Variants in PLBD1 observed in about 807,000 individuals in gnomAD.
PLBD1 encodes the protein phospholipase B domain containing 1.
Under a neutral mutation model 63.0 loss-of-function variants are expected in PLBD1, and 60 were observed. The ratio of observed to expected loss-of-function variants is 0.95; its 90% CI spans 0.77 to 1.18. The LOEUF (loss-of-function observed/expected upper bound fraction) is 1.18, where lower values mean the gene tolerates loss of function less well. PLBD1 is among the 50% of genes most tolerant of loss of function. PLBD1 has a pLI of 0.00. For synonymous variants in PLBD1, 262 were observed against 248.0 expected, an observed-to-expected ratio of 1.06 and a Z score of -0.53; for missense variants, 598 against 677.9, an observed-to-expected ratio of 0.88 and a Z score of 1.31.
intron 6 of PLBD1, among the ~76,000 whole-genome samples, chr12:14,531,655 AG>A (rs1945463052): frequency 6.6e-6 from 1 of 152,118 alleles, no homozygotes; most frequent in Admixed American, 6.6e-5. Context: ...TCTTGAGACG[AG>A]GCCTCACTCT....
intron 6 of PLBD1, among the ~76,000 whole-genome samples, chr12:14,535,358 A>G (rs1945504762): frequency 6.6e-6 from 1 of 152,238 alleles, no homozygotes; most frequent in Admixed American, 6.5e-5. Context: ...CGCAGAGCCT[A>G]GCAAAGAGTC....
chr12:14,528,770 C>T (rs1470146316), intron 6 of PLBD1, among the ~76,000 whole-genome samples: 1 of 151,860 alleles, frequency 6.6e-6, no homozygotes, highest in Non-Finnish European at 1.5e-5. Flanking sequence ...TGGACAATAT[C>T]ATGAATGATA....
Position 14,504,257 on chromosome 12 carries a change from C to A in PLBD1, c.1480-303G>T, listed in dbSNP as rs570116274. Reference sequence around the variant, plus strand: ...TAGAGATGGGGTTTTGCCTTGTTGGCCAAACTGGTCTCGAACTCCTGATCT... The same window carrying A: ...TAGAGATGGGGTTTTGCCTTGTTGGACAAACTGGTCTCGAACTCCTGATCT... On this transcript the variant is annotated intron_variant, in intron 10 of 10. Transcript: ENST00000240617. 2.0e-5 allele frequency among the ~76,000 whole-genome samples: 3 copies of A among 152,252 alleles called. No homozygotes were observed. In the East Asian group the frequency reaches 5.8e-4, roughly 29 times the overall value.
chr12:14,553,427 A>C lies in PLBD1; in HGVS notation c.116-15T>G. On this transcript the variant is annotated splice_polypyrimidine_tract_variant and intron_variant, in intron 1 of 10. Transcript: ENST00000240617. ...ATAGTAGACTCCTAGAAGAAAAGGG[A>C]ATAATGACAAAAACGCCATTCAAAT... 1 of 1,597,458 alleles carries C rather than the reference A, an allele frequency of 6.3e-7. No individual in the cohort carries two copies. Among genetic ancestry groups the C allele is most frequent in the Non-Finnish European group, 8.6e-7 (1 of 1,165,652 alleles).
At chr12:14,511,757 C>G (rs1459758073) in intron 6 of PLBD1, 46 bp from the exon 7 acceptor site, 1 of 1,531,616 alleles carries the variant, frequency 6.5e-7, no homozygotes, top group South Asian at 1.1e-5. Flanking sequence ...ATACATGGAA[C>G]AGTGAACCAT....
chr12:14,505,655 A>T (rs1210484510), intron 10 of PLBD1, among the ~76,000 whole-genome samples: 3 of 152,224 alleles, frequency 2.0e-5, no homozygotes, highest in South Asian at 4.1e-4. Context: ...GCACTTATCA[A>T]TTCTAACATT....
At chr12:14,530,302 TCA>T (rs1311920294) in intron 6 of PLBD1, 1 of 152,188 alleles carries the variant, frequency 6.6e-6, no homozygotes, top group African/African-American at 2.4e-5. Context: ...TTTTAGCCCC[TCA>T]GTCATTGAGT....
At chr12:14,545,919 C>T (rs886199876) in intron 2 of PLBD1, among the ~76,000 whole-genome samples, 2 of 152,014 alleles carry the variant, frequency 1.3e-5, no homozygotes, top group African/African-American at 4.8e-5. Context: ...TTGATCCATT[C>T]GGTTACTTTC....
Position 14,506,977 on chromosome 12 carries a change from T to G in PLBD1, c.1328A>C (p.Lys443Thr), listed in dbSNP as rs1353966267. The change falls in exon 9 of 11, where the codon AAA (lysine) becomes ACA (threonine). Residue 443 changes from lysine (K) to threonine (T), a missense_variant. Lys to Thr is a moderately conservative substitution (Grantham distance 78). Transcript: ENST00000240617. ...RAKIFRRDQG[K>T]VTDTASMKYI... is the part of the protein sequence containing the mutation. ...TTTCATGGATGCCGTATCAGTCACT[T>G]TCCCTTGGTCACGCCGGAAAATTTT... 1.9e-6 allele frequency: 3 copies of G among 1,614,034 alleles called. No homozygotes were observed. In the African/African-American group the frequency reaches 4.0e-5, roughly 22 times the overall value.
intron 6 of PLBD1, among the ~76,000 whole-genome samples, chr12:14,512,168 GAC>G (rs1945303549): frequency 1.1e-5 from 1 of 92,234 alleles, no homozygotes; most frequent in African/African-American, 4.2e-5. Flanking sequence ...TTTTTTTTTT[GAC>G]ACACAGTCTG....
intron 6 of PLBD1, among the ~76,000 whole-genome samples, chr12:14,516,640 C>T (rs1465385): frequency 0.98 from 149,665 of 152,276 alleles, 73,600 homozygotes; most frequent in Middle Eastern, 1. Context: ...AACACACACA[C>T]GCTTGGGGAA....
chr12:14,546,881 T>G (rs1446815437), intron 2 of PLBD1, among the ~76,000 whole-genome samples: 1 of 152,136 alleles, frequency 6.6e-6, no homozygotes, highest in Non-Finnish European at 1.5e-5. Context: ...TTTCTTTTTT[T>G]TCTTTTTTCT....
chr12:14,525,501 G>A (rs77113154), intron 6 of PLBD1, among the ~76,000 whole-genome samples: 2,762 of 152,122 alleles, frequency 0.018, 77 homozygotes, highest in African/African-American at 0.063. Flanking sequence ...GCTATAACTG[G>A]TGAAAAACCC....
chr12:14,567,835 T>A lies in PLBD1; in HGVS notation c.-139A>T. On this transcript the variant is annotated 5_prime_UTR_variant, in exon 1 of 11. Transcript: ENST00000240617. ...GGGCGTCCTCAACTTTCCTCTTTCT[T>A]GAGCCCGGCCTGCTCCGGGCTCTGA... 1 of 1,201,024 alleles carries A rather than the reference T, an allele frequency of 8.3e-7. No homozygotes were observed. The highest frequency in any genetic ancestry group is 1.1e-6 in the Non-Finnish European group (1 of 925,560). 74.4% of individuals were successfully genotyped at this position (1,201,024 alleles called of 1,614,324 possible).
chr12:14,519,197 T>C (rs961464226), intron 6 of PLBD1, among the ~76,000 whole-genome samples: 8 of 152,190 alleles, frequency 5.3e-5, no homozygotes, highest in Admixed American at 5.2e-4. Flanking sequence ...TCAAAATTCA[T>C]ATGTTGAAGT....
Position 14,535,718 on chromosome 12 carries a change from TCCCAGTG to T in PLBD1, c.778_784del (p.His260ThrfsTer5). On this transcript the variant is annotated frameshift_variant, in exon 6 of 11. Coordinates refer to ENST00000240617, the MANE Select transcript of PLBD1 (RefSeq NM_024829.6). LOFTEE classifies it high-confidence loss of function. ...GGTATCTTTATCTATGACGTTGAAG[TCCCAGTG>T]TTTATATATCCTGAGCATGGCTGCA... 6.2e-7 allele frequency: 1 copy of T among 1,613,878 alleles called. No individual in the cohort carries two copies.
At chr12:14,505,579 T>C (rs1051207478) in intron 10 of PLBD1, among the ~76,000 whole-genome samples, 4 of 152,246 alleles carry the variant, frequency 2.6e-5, no homozygotes, top group Non-Finnish European at 5.9e-5. Flanking sequence ...TTCCTGCATG[T>C]CTATAAGCTG....
intron 6 of PLBD1, chr12:14,533,248 A>G (rs1402827161): frequency 6.6e-6 from 1 of 152,228 alleles, no homozygotes; most frequent in Non-Finnish European, 1.5e-5. Flanking sequence ...TGTAACATAA[A>G]TGAGACTGCA....
Position 14,542,236 on chromosome 12 carries a change from T to C in PLBD1, c.391A>G (p.Ile131Val), listed in dbSNP as rs140876500. 5.0e-6 allele frequency: 8 copies of C among 1,610,046 alleles called. No individual in the cohort carries two copies. In the Admixed American group the frequency reaches 5.0e-5, roughly 10 times the overall value. Reference protein sequence around the residue: ...LYPQLITKPSIMDKVQDFMEK... With the variant: ...LYPQLITKPSVMDKVQDFMEK... ...ATAAAATCCTGCACTTTATCCATGA[T>C]GGAAGGTTTCGTGATCAGCTGTGGG... The change falls in exon 3 of 11, where the codon ATC becomes GTC. Residue 131 changes from isoleucine (I) to valine (V), a missense_variant. Physicochemically the swap from Ile to Val is conservative, Grantham distance 29. Coordinates refer to ENST00000240617, the MANE Select transcript of PLBD1 (RefSeq NM_024829.6).
Sources: allele counts gnomAD v4.1 joint callset (sites outside exome capture counted in the v4.1 genomes callset), GRCh38; gene constraint gnomAD v4.1.1; transcripts MANE v1.5; gene names NCBI Gene and HGNC (gene_info 2026-07-23, HGNC 2026-07-21).